Variants in PTPN2 observed in about 807,000 individuals in gnomAD.
PTPN2 encodes protein tyrosine phosphatase non-receptor type 2, also known as tyrosine-protein phosphatase non-receptor type 2.
In PTPN2, 19 loss-of-function variants were observed where a neutral mutation model predicts 57.3. That is an observed-to-expected ratio of 0.33 (90% confidence interval 0.23 to 0.49). The LOEUF (loss-of-function observed/expected upper bound fraction) is 0.49. PTPN2 is among the 20% of genes least tolerant of loss of function. The pLI is 0.99. For missense variants in PTPN2, 358 were observed against 501.1 expected (o/e 0.71, Z 2.73); for synonymous variants, 153 against 164.9 (o/e 0.93, Z 0.55).
Position 12,794,070 on chromosome 18 carries a change from A to T in PTPN2, c.*208T>A. The T allele has an allele frequency of 1.4e-6, 2 of 1,416,546 alleles. No individual in the cohort carries two copies. Among genetic ancestry groups the T allele is most frequent in the South Asian group, 1.6e-5 (1 of 62,066 alleles). The allele number at this position is 1,416,546 out of a possible 1,614,324, so 87.7% of individuals were successfully genotyped here. On this transcript the variant is annotated 3_prime_UTR_variant, in exon 9 of 9. Coordinates refer to ENST00000309660, the MANE Select transcript of PTPN2 (RefSeq NM_002828.4). ...ACAAACATGAATGTCTTTATTTTAG[A>T]CAGCCATTTACAGTTTGGGGTTCAG...
intron 1 of PTPN2, among the ~76,000 whole-genome samples, chr18:12,876,075 C>T (rs79275094): frequency 2.0e-5 from 3 of 151,956 alleles, no homozygotes; most frequent in East Asian, 3.9e-4. Flanking sequence ...AGCATGGTGG[C>T]GTGCATCTGT....
intron 5 of PTPN2, among the ~76,000 whole-genome samples, chr18:12,819,799 TGGGTTCTTGACAGCG>T (rs954322420): frequency 7.5e-6 from 1 of 133,066 alleles, no homozygotes; most frequent in Non-Finnish European, 1.6e-5. Flanking sequence ...GCTAGAGAGG[TGGGTTCTTGACAGCG>T]GGGGGTGGGG....
At chr18:12,875,701 A>C (rs1014496021) in intron 1 of PTPN2, among the ~76,000 whole-genome samples, 13 of 152,316 alleles carry the variant, frequency 8.5e-5, no homozygotes, top group African/African-American at 3.1e-4. Context: ...ACACTATGTT[A>C]ATTTTAATTT....
rs1352185125 is a variant in PTPN2 at position 12,802,134 on chromosome 18, A to T, written c.876T>A (p.Leu292=). 1.2e-5 allele frequency: 20 copies of T among 1,606,212 alleles called. No homozygotes were observed. The highest frequency in any genetic ancestry group is 1.6e-5 in the Non-Finnish European group (19 of 1,176,966). The change falls in exon 8 of 9, where the codon CTT becomes CTA. Residue 292 remains leucine, a synonymous_variant. Coordinates refer to ENST00000309660, the MANE Select transcript of PTPN2 (RefSeq NM_002828.4). ...AGGCAGGAGATAAGTCTTCCTTAGA[A>T]AGTTCTTTCCATCGTTTCTAGGTAG... is the stretch of plus-strand genomic sequence containing the variant. ...DSSIQKRWKE[L]SKEDLSPAFD...
At chr18:12,827,491 G>A (rs2042518175) in intron 4 of PTPN2, among the ~76,000 whole-genome samples, 1 of 151,628 alleles carries the variant, frequency 6.6e-6, no homozygotes, top group Non-Finnish European at 1.5e-5. Flanking sequence ...CAATCTTCTG[G>A]GCTCAAGCAA....
rs1180609701 is a variant in PTPN2, at chr18:12,870,265, A to ATATATGTGTGTG, written c.70-11012_70-11011insCACACACATATA. 1.8e-4 allele frequency among the ~76,000 whole-genome samples: 18 copies of ATATATGTGTGTG among 97,958 alleles called. 1 individual carries two copies. The highest frequency in any genetic ancestry group is 1.0e-3 in the African/African-American group (18 of 17,282). The allele number at this position is 97,958 out of a possible 152,430, so 64.3% of individuals were successfully genotyped here. A position where few individuals can be genotyped will look rare whatever the true frequency, so the allele number is the denominator to read the frequency against. On this transcript the variant is annotated intron_variant, in intron 1 of 8. Coordinates refer to ENST00000309660, the MANE Select transcript of PTPN2 (RefSeq NM_002828.4). ...TCCAGTACTTAACTTTAGCATATATATATATATGTATATATATACATATAC... is the reference window on the plus strand; with the variant it reads ...TCCAGTACTTAACTTTAGCATATATATATATGTGTGTGTATATATGTATATATATACATATAC...
chr18:12,859,807 C>T (rs146291055), intron 1 of PTPN2, among the ~76,000 whole-genome samples: 47 of 152,240 alleles, frequency 3.1e-4, no homozygotes, highest in African/African-American at 1.0e-3. Flanking sequence ...TTATTTCTAT[C>T]ATGTTTGTCA....
chr18:12,857,425 T>C (rs2043631690), intron 2 of PTPN2, among the ~76,000 whole-genome samples: 1 of 152,202 alleles, frequency 6.6e-6, no homozygotes, highest in Non-Finnish European at 1.5e-5. Flanking sequence ...ACTGTAGTTA[T>C]GCAAGATGTT....
chr18:12,870,976 C>G (rs1457128277), intron 1 of PTPN2, among the ~76,000 whole-genome samples: 5 of 152,078 alleles, frequency 3.3e-5, no homozygotes, highest in Non-Finnish European at 7.4e-5. Context: ...TAGGTGATAA[C>G]TGTAACCAGT....
At chr18:12,794,590 A>G (rs954372562) in intron 8 of PTPN2, 105 bp from the exon 9 acceptor site, 1 of 1,346,726 alleles carries the variant, frequency 7.4e-7, no homozygotes, top group Non-Finnish European at 1.0e-6. Flanking sequence ...CATAGTTTTC[A>G]CCCTATTTGA....
At chr18:12,820,844 G>C (rs2042248273) in intron 5 of PTPN2, among the ~76,000 whole-genome samples, 1 of 152,126 alleles carries the variant, frequency 6.6e-6, no homozygotes, top group African/African-American at 2.4e-5. Flanking sequence ...GCTGTTCTAA[G>C]GCAAAATCCC....
chr18:12,812,136 A>C (rs1211886229), intron 7 of PTPN2, among the ~76,000 whole-genome samples: 1 of 152,234 alleles, frequency 6.6e-6, no homozygotes, highest in African/African-American at 2.4e-5. Context: ...GAATATGCTA[A>C]TAAATATGTG....
chr18:12,825,391 T>C (rs946941328), intron 5 of PTPN2, among the ~76,000 whole-genome samples: 1 of 152,044 alleles, frequency 6.6e-6, no homozygotes, highest in African/African-American at 2.4e-5. Context: ...ACATCCTCAT[T>C]TGACCTTCAG....
At chr18:12,846,713 A>G (rs940928735) in intron 2 of PTPN2, among the ~76,000 whole-genome samples, 1 of 152,244 alleles carries the variant, frequency 6.6e-6, no homozygotes, top group African/African-American at 2.4e-5. Flanking sequence ...AAGCATGCCC[A>G]ATGGCTCATC....
Position 12,793,635 on chromosome 18 carries a change from C to T in PTPN2, c.*643G>A. The T allele has an allele frequency of 1.0e-6, 1 of 982,168 alleles. No individual in the cohort carries two copies. The highest frequency in any genetic ancestry group is 1.2e-6 in the Non-Finnish European group (1 of 826,576). The allele number at this position is 982,168 out of a possible 1,614,324, so 60.8% of individuals were successfully genotyped here. On this transcript the variant is annotated 3_prime_UTR_variant, in exon 9 of 9. Transcript: ENST00000309660. ...AATTGCTTATTCCAACTTCTAACTG[C>T]TCATATCAAACTTCTCTTTAGAAAA...
At chr18:12,821,890 A>C (rs1004019828) in intron 5 of PTPN2, among the ~76,000 whole-genome samples, 1 of 152,190 alleles carries the variant, frequency 6.6e-6, no homozygotes, top group African/African-American at 2.4e-5. Context: ...GTGTTTTACA[A>C]CAATCACTCA....
chr18:12,870,439 GTGTATATAT>G (rs2044206353), intron 1 of PTPN2, among the ~76,000 whole-genome samples: 25 of 30,352 alleles, frequency 8.2e-4, no homozygotes, highest in Non-Finnish European at 1.2e-3. Context: ...ATATATATAT[GTGTATATAT>G]ATATATATAT....
intron 2 of PTPN2, among the ~76,000 whole-genome samples, chr18:12,850,737 G>C (rs967763244): frequency 2.6e-5 from 4 of 151,924 alleles, no homozygotes; most frequent in African/African-American, 9.7e-5. Context: ...TGAGCTATAA[G>C]ATAGGAATTT....
At chr18:12,855,043 C>T (rs945130867) in intron 2 of PTPN2, among the ~76,000 whole-genome samples, 3 of 152,078 alleles carry the variant, frequency 2.0e-5, no homozygotes, top group Admixed American at 6.6e-5. Flanking sequence ...CCCAGCTACT[C>T]GGGAGGCTGA....
Sources: gnomAD v4.1 joint callset for allele counts (sites outside exome capture counted in the v4.1 genomes callset) on GRCh38, gnomAD v4.1.1 for gene constraint, MANE v1.5 for transcripts, NCBI Gene and HGNC (gene_info 2026-07-23, HGNC 2026-07-21) for gene names.